DST: variants seen among roughly 807,000 people sequenced by gnomAD.
The protein encoded by DST is bullous pemphigoid antigen.
A neutral mutation model predicts 875.2 loss-of-function variants in DST; 253 were observed. That is an observed-to-expected ratio of 0.29 (90% CI 0.26 to 0.32). The LOEUF is 0.32. Ranked by LOEUF, DST falls within the 10% of genes least tolerant of loss-of-function variation. The pLI is 1.00. For missense variants in DST, 8,287 were observed against 9,111.6 expected (o/e 0.91, Z 3.68); for synonymous variants, 3,124 against 3,197.1 (o/e 0.98, Z 0.77).
At chr6:56,854,239 G>A (rs1334707782) in intron 3 of DST, among the ~76,000 whole-genome samples, 1 of 152,078 alleles carries the variant, frequency 6.6e-6, no homozygotes, top group African/African-American at 2.4e-5. Flanking sequence ...CGGAACTACA[G>A]TTCCCTTTTG....
rs1583470427 is a variant in DST, at chr6:56,508,588, C to A, written c.19180G>T (p.Asp6394Tyr). 1 of 1,613,836 alleles carries A rather than the reference C, an allele frequency of 6.2e-7. No homozygotes were observed. The highest frequency in any genetic ancestry group is 1.3e-5 in the African/African-American group (1 of 75,002). Residue 6394 changes from aspartate (D) to tyrosine (Y), a missense_variant, in exon 75 of 104, where the codon GAC becomes TAC. Around this residue, in one of 10 missense-constraint regions of DST, gnomAD observed 1,292 missense variants for 1,552.7 expected, o/e 0.83. Transcript: ENST00000680361. ...GGATCAATTCCAGGATCTTCCAGGT[C>A]CCGGATGAAATCTTGAGTATCTTTA... ...TIKDTQDFIR[D>Y]LEDPGIDPSV...
chr6:56,943,232 T>G (rs1817614357), intron 2 of DST, among the ~76,000 whole-genome samples: 1 of 152,154 alleles, frequency 6.6e-6, no homozygotes, highest in African/African-American at 2.4e-5. Context: ...AAACACAAAT[T>G]CAGGAACTGG....
chr6:56,838,773 T>C (rs528251790), intron 4 of DST, among the ~76,000 whole-genome samples: 1 of 152,374 alleles, frequency 6.6e-6, no homozygotes, highest in African/African-American at 2.4e-5. Context: ...CACAATTTAA[T>C]CGTAATTATT....
chr6:56,954,410 G>T lies in DST; in HGVS notation c.178C>A (p.Arg60=). The stretch of plus-strand genomic sequence containing the variant: ...AACCCGTCGCGGCGTGTCTTACCTC[G>T]GCTTCTTGAACGACCCGAGAAGACC... ...KSVFSGRSRS[R]DAVLRSHHFR... Residue 60 remains arginine (R), a synonymous_variant, in exon 1 of 104, where the codon CGA becomes AGA. Coordinates refer to ENST00000680361, the MANE Select transcript of DST (RefSeq NM_001374736.1). 7.3e-7 allele frequency: 1 copy of T among 1,366,538 alleles called. No individual in the cohort carries two copies. Among genetic ancestry groups the T allele is most frequent in the African/African-American group, 1.5e-5 (1 of 67,802 alleles). 84.7% of individuals were successfully genotyped at this position (1,366,538 alleles called of 1,614,324 possible). A position where few individuals can be genotyped will look rare whatever the true frequency, so the allele number is the denominator to read the frequency against.
At chr6:56,547,465 C>T (rs971658853) in intron 61 of DST, among the ~76,000 whole-genome samples, 17 of 152,178 alleles carry the variant, frequency 1.1e-4, no homozygotes, top group Non-Finnish European at 7.3e-5. Context: ...AGGAAGGGAA[C>T]ATGCAACCCC....
chr6:56,952,778 A>G (rs1387064824), intron 2 of DST, among the ~76,000 whole-genome samples: 13 of 152,186 alleles, frequency 8.5e-5, no homozygotes, highest in Non-Finnish European at 4.4e-5. Context: ...GTTAATGTAA[A>G]GCCAGGAATG....
In DST at chr6:56,552,742, A is replaced by G. The variant is rs1430778198; in HGVS notation, c.16050T>C (p.Ser5350=). The G allele has an allele frequency of 1.9e-6, 3 of 1,611,536 alleles. No individual in the cohort carries two copies. The African/African-American group carries it at 4.0e-5, about 22-fold the overall frequency. ...TGGTTTCCACTTGTAATAAAACATC[A>G]GAGGTTCCCTTTGAGTCTGAGGCCT... ...VVEASDSKGT[S]DVLLQVETIA... Residue 5350 remains serine (S), a synonymous_variant, in exon 61 of 104, where the codon TCT becomes TCC. Transcript: ENST00000680361.
chr6:56,945,994 G>A (rs540918487), intron 2 of DST, among the ~76,000 whole-genome samples: 1 of 152,278 alleles, frequency 6.6e-6, no homozygotes, highest in African/African-American at 2.4e-5. Context: ...GCACAACCTT[G>A]TGAATATACC....
chr6:56,719,732 A>G (rs1050088202), intron 5 of DST, among the ~76,000 whole-genome samples: 6 of 152,180 alleles, frequency 3.9e-5, no homozygotes, highest in African/African-American at 1.4e-4. Context: ...AGTACAAAAG[A>G]GAGAAATTTT....
chr6:56,572,985 G>A lies in DST; in HGVS notation c.13316C>T (p.Thr4439Ile). Residue 4439 changes from threonine (T) to isoleucine (I), a missense_variant, in exon 52 of 104, where the codon ACA becomes ATA. Transcript: ENST00000680361. ...NEKVKKFMET[T>I]DPSTASSLQA... The stretch of plus-strand genomic sequence containing the variant: ...CAGTGAGGATGCAGTGGATGGATCT[G>A]TTGTTTCCATAAATTTCTTCACTTT... 1 of 1,609,246 alleles carries A rather than the reference G, an allele frequency of 6.2e-7. No homozygotes were observed. The highest frequency in any genetic ancestry group is 8.5e-7 in the Non-Finnish European group (1 of 1,177,844).
intron 43 of DST, chr6:56,601,901 C>A: frequency 2.2e-6 from 1 of 450,222 alleles, no homozygotes; most frequent in Non-Finnish European, 3.9e-6. Context: ...ACAAATAATC[C>A]CTCTAAAAAT....
chr6:56,775,499 A>G (rs1316659063), intron 4 of DST, among the ~76,000 whole-genome samples: 2 of 152,262 alleles, frequency 1.3e-5, no homozygotes, highest in East Asian at 3.8e-4. Context: ...TCTTAAAGAT[A>G]GATGGCAAAA....
intron 4 of DST, chr6:56,851,119 A>C: frequency 2.1e-6 from 1 of 469,026 alleles, no homozygotes; most frequent in East Asian, 3.3e-5. Context: ...GTAATTAGGA[A>C]AGTTTAGTGC....
chr6:56,539,741 G>A (rs568350000), intron 61 of DST, among the ~76,000 whole-genome samples: 14 of 152,184 alleles, frequency 9.2e-5, no homozygotes, highest in Admixed American at 3.3e-4. Context: ...AAAAAGTTGG[G>A]AGCTATAATG....
intron 5 of DST, among the ~76,000 whole-genome samples, 165 bp from the exon 6 acceptor site, chr6:56,704,534 T>A (rs796465447): frequency 6.6e-6 from 1 of 152,224 alleles, no homozygotes; most frequent in African/African-American, 2.4e-5. Context: ...AAATTTAATT[T>A]AAAAACTTAA....
At position 56,624,567 on chromosome 6, in the gene DST, A is replaced by G; in HGVS notation, c.4892T>C (p.Phe1631Ser). The G allele has an allele frequency of 6.2e-7, 1 of 1,613,474 alleles. No homozygotes were observed. Among genetic ancestry groups the G allele is most frequent in the Non-Finnish European group, 8.5e-7 (1 of 1,179,706 alleles). The change falls in exon 36 of 104, where the codon TTT (phenylalanine) becomes TCT (serine). Residue 1631 changes from phenylalanine (F) to serine (S), a missense_variant. Physicochemically the swap from Phe to Ser is radical, Grantham distance 155. Around this residue, in one of 10 missense-constraint regions of DST, gnomAD observed 3,138 missense variants for 3,116.6 expected, o/e 1.01. Coordinates refer to ENST00000680361, the MANE Select transcript of DST (RefSeq NM_001374736.1). ...CAGCCTCTTCAATGAATCACCAGCA[A>G]ATTTAATATATTGTGTCATGAGAGT... Reference protein sequence around the residue: ...LVTLMTQYIKFAGDSLKRLEE... With the variant: ...LVTLMTQYIKSAGDSLKRLEE...
Position 56,634,209 on chromosome 6 carries a change from T to C in DST, c.3544A>G (p.Ile1182Val), listed in dbSNP as rs754692637. Residue 1182 changes from isoleucine to valine, a missense_variant, in exon 27 of 104, where the codon ATA becomes GTA. Transcript: ENST00000680361. ...CAGGATACTACACTCTTCATGTTTA[T>C]GTGAGACTCATGCCAAAGAGTCAGG... is the stretch of plus-strand genomic sequence containing the variant. ...NVLTLWHESH[I>V]NMKSVVSWHY... The C allele has an allele frequency of 9.3e-6, 15 of 1,613,810 alleles. 1 individual carries two copies. In the South Asian group the frequency reaches 1.6e-4, roughly 18 times the overall value.
intron 32 of DST, among the ~76,000 whole-genome samples, chr6:56,628,463 T>C (rs2098751965): frequency 1.3e-5 from 2 of 152,306 alleles, no homozygotes; most frequent in East Asian, 1.9e-4. Context: ...TTAATTATTA[T>C]CAATTACAGT....
In DST at chr6:56,619,254, G is replaced by C. The variant is rs952734167; in HGVS notation, c.4930-4770C>G. 3 of 1,612,832 alleles carry C rather than the reference G, an allele frequency of 1.9e-6. No individual in the cohort carries two copies. In the East Asian group the frequency reaches 6.7e-5, roughly 36 times the overall value. On this transcript the variant is annotated intron_variant, in intron 36 of 103. Transcript: ENST00000680361. Reference sequence around the variant, plus strand: ...AAAACTATATTCTCTGATTCTGCCTGAATTCTCTGCATCATTAATTTGGTT... The same window carrying C: ...AAAACTATATTCTCTGATTCTGCCTCAATTCTCTGCATCATTAATTTGGTT...
Sources: gnomAD v4.1 joint callset for allele counts (sites outside exome capture counted in the v4.1 genomes callset) on GRCh38, gnomAD v4.1.1 for gene constraint, gnomAD v4.1.1 regional missense constraint, MANE v1.5 for transcripts, NCBI Gene and HGNC (gene_info 2026-07-23, HGNC 2026-07-21) for gene names.